DOK6: variants seen among roughly 807,000 people sequenced by gnomAD.
The protein encoded by DOK6 is downstream of tyrosine kinase 6.
Under a neutral mutation model 44.0 loss-of-function variants are expected in DOK6, and 22 were observed. The observed-to-expected ratio is 0.50, with a 90% CI of 0.36 to 0.71. The LOEUF is 0.71. DOK6 is among the 30% of genes least tolerant of loss of function. The pLI is 0.00. For synonymous variants in DOK6, 166 were observed against 145.5 expected, an observed-to-expected ratio of 1.14 and a Z score of -1.01; for missense variants, 340 against 416.4, an observed-to-expected ratio of 0.82 and a Z score of 1.60.
At chr18:69,627,632 G>A (rs1984587901) in intron 3 of DOK6, among the ~76,000 whole-genome samples, 1 of 152,008 alleles carries the variant, frequency 6.6e-6, no homozygotes, top group African/African-American at 2.4e-5. Flanking sequence ...TGTATTTTTA[G>A]TAGAGACGGG....
At chr18:69,541,015 G>A (rs370097947) in intron 1 of DOK6, among the ~76,000 whole-genome samples, 4 of 152,152 alleles carry the variant, frequency 2.6e-5, no homozygotes, top group Admixed American at 6.6e-5. Context: ...AGGAAGAAAA[G>A]AGTGTGTATG....
chr18:69,737,915 C>G (rs986723049), intron 5 of DOK6, among the ~76,000 whole-genome samples: 1 of 152,194 alleles, frequency 6.6e-6, no homozygotes, highest in Admixed American at 6.5e-5. Flanking sequence ...AAGATGCACT[C>G]GCTACTTATC....
At chr18:69,786,436 A>C (rs1980432173) in intron 7 of DOK6, among the ~76,000 whole-genome samples, 1 of 152,226 alleles carries the variant, frequency 6.6e-6, no homozygotes, top group Non-Finnish European at 1.5e-5. Flanking sequence ...TCTTTAATAT[A>C]AAGAGTCAGC....
chr18:69,511,937 T>C (rs1981376650), intron 1 of DOK6, among the ~76,000 whole-genome samples: 1 of 152,094 alleles, frequency 6.6e-6, no homozygotes. Flanking sequence ...GGTTGGTAAG[T>C]ATGAATGTGC....
intron 1 of DOK6, among the ~76,000 whole-genome samples, chr18:69,524,070 G>A (rs1260955048): frequency 2.6e-5 from 4 of 151,982 alleles, no homozygotes; most frequent in East Asian, 1.9e-4. Context: ...TTCTATTACA[G>A]GAGATTTTTA....
Position 69,514,401 on chromosome 18 carries a change from A to G in DOK6, c.67-50086A>G, listed in dbSNP as rs185629604. Among the ~76,000 whole-genome samples, 708 of 152,302 alleles carry G rather than the reference A, an allele frequency of 4.6e-3. 4 individuals carry two copies. The highest frequency in any genetic ancestry group is 8.0e-3 in the Non-Finnish European group (547 of 68,006). ...ATTTTCAAATCTCCTCTTTGTGCCA[A>G]ATTTCCAAGTGGAAGAAAGTAACAT... On this transcript the variant is annotated intron_variant, in intron 1 of 7. Coordinates refer to ENST00000382713, the MANE Select transcript of DOK6 (RefSeq NM_152721.6).
intron 1 of DOK6, among the ~76,000 whole-genome samples, chr18:69,414,590 T>C (rs1425025749): frequency 6.6e-6 from 1 of 151,996 alleles, no homozygotes; most frequent in Non-Finnish European, 1.5e-5. Context: ...ATGGGGTTTG[T>C]GTGTGAGGTA....
At chr18:69,817,407 T>C (rs1027760683) in intron 7 of DOK6, among the ~76,000 whole-genome samples, 6 of 152,188 alleles carry the variant, frequency 3.9e-5, no homozygotes, top group African/African-American at 1.4e-4. Flanking sequence ...TCTACTCAGA[T>C]TGTCATAACA....
At chr18:69,724,284 A>AC (rs1978295753) in intron 5 of DOK6, among the ~76,000 whole-genome samples, 1 of 152,244 alleles carries the variant, frequency 6.6e-6, no homozygotes, top group Non-Finnish European at 1.5e-5. Context: ...ATTCATCCTT[A>AC]CATACAATAA....
Position 69,690,562 on chromosome 18 carries a change from T to C in DOK6, c.410-7842T>C, listed in dbSNP as rs183436687. 2.8e-4 allele frequency among the ~76,000 whole-genome samples: 42 copies of C among 152,334 alleles called. 1 individual carries two copies. The highest frequency in any genetic ancestry group is 9.9e-4 in the African/African-American group (41 of 41,584). On this transcript the variant is annotated intron_variant, in intron 4 of 7. Coordinates refer to ENST00000382713, the MANE Select transcript of DOK6 (RefSeq NM_152721.6). The stretch of plus-strand genomic sequence containing the variant: ...TATAGAAATTTTGGAGATAAGATTA[T>C]AAAGAACAGAATGATCTTGAAATGT...
intron 1 of DOK6, among the ~76,000 whole-genome samples, chr18:69,491,578 GTATGA>G (rs1299037204): frequency 3.3e-5 from 5 of 152,166 alleles, no homozygotes; most frequent in African/African-American, 1.2e-4. Flanking sequence ...TATGTCCTAT[GTATGA>G]TATGAGTCTC....
intron 1 of DOK6, among the ~76,000 whole-genome samples, chr18:69,556,641 T>C (rs1048130825): frequency 1.3e-5 from 2 of 152,192 alleles, no homozygotes; most frequent in Non-Finnish European, 2.9e-5. Flanking sequence ...TTTTTATTAC[T>C]CTATCCAGAG....
chr18:69,656,252 G>T (rs1225579371), intron 3 of DOK6, among the ~76,000 whole-genome samples: 1 of 152,134 alleles, frequency 6.6e-6, no homozygotes, highest in Non-Finnish European at 1.5e-5. Context: ...AGTAAGGGTA[G>T]CAAGAAAGAT....
chr18:69,438,285 CCAT>C (rs1979040243), intron 1 of DOK6, among the ~76,000 whole-genome samples: 2 of 152,198 alleles, frequency 1.3e-5, no homozygotes, highest in Non-Finnish European at 2.9e-5. Flanking sequence ...GTCATGCCAA[CCAT>C]GTTCACAGCA....
At chr18:69,647,087 A>G (rs1336271503) in intron 3 of DOK6, among the ~76,000 whole-genome samples, 4 of 131,238 alleles carry the variant, frequency 3.0e-5, no homozygotes, top group Admixed American at 8.1e-5. Context: ...TGTCTATCCT[A>G]TCTGTCTATC....
intron 7 of DOK6, among the ~76,000 whole-genome samples, chr18:69,815,310 T>G (rs922948838): frequency 7.2e-5 from 11 of 152,174 alleles, no homozygotes; most frequent in African/African-American, 2.7e-4. Context: ...AGATTCACTT[T>G]GCCTTTGTTC....
Position 69,657,055 on chromosome 18 carries a change from G to A in DOK6, c.290-20679G>A, listed in dbSNP as rs59178400. Among the ~76,000 whole-genome samples, 71 of 152,318 alleles carry A rather than the reference G, an allele frequency of 4.7e-4. No homozygotes were observed. In the East Asian group the frequency reaches 0.011, roughly 24 times the overall value. On this transcript the variant is annotated intron_variant, in intron 3 of 7. Transcript: ENST00000382713. ...GTGGAAAACACAAACTGAAATGATC[G>A]ATAATAATCCAAGTAAATGCAAATA...
chr18:69,615,384 A>G (rs772879474), intron 3 of DOK6, among the ~76,000 whole-genome samples: 4 of 152,256 alleles, frequency 2.6e-5, no homozygotes, highest in Non-Finnish European at 5.9e-5. Flanking sequence ...TTCAATACAA[A>G]AGACAACTTG....
intron 1 of DOK6, among the ~76,000 whole-genome samples, chr18:69,542,098 C>A (rs1982284185): frequency 6.6e-6 from 1 of 151,322 alleles, no homozygotes; most frequent in Non-Finnish European, 1.5e-5. Context: ...AATTTACCTG[C>A]TAGACAACTG....
Sources: allele counts gnomAD v4.1 joint callset (sites outside exome capture counted in the v4.1 genomes callset), GRCh38; gene constraint gnomAD v4.1.1; transcripts MANE v1.5; gene names NCBI Gene and HGNC (gene_info 2026-07-23, HGNC 2026-07-21).